Variants in KIAA1549L observed in about 807,000 individuals in gnomAD.
The protein encoded by KIAA1549L is UPF0606 protein KIAA1549L.
KIAA1549L carries 88 observed loss-of-function variants against 160.7 expected under a neutral mutation model. That is an observed-to-expected ratio of 0.55 (90% CI 0.46 to 0.65). The LOEUF (loss-of-function observed/expected upper bound fraction) is 0.65. KIAA1549L is among the 30% of genes least tolerant of loss of function. The probability of loss-of-function intolerance (pLI) is 0.00; values close to 1 mark genes in which losing one functional copy is unlikely to be tolerated. For synonymous variants in KIAA1549L, 950 were observed against 976.7 expected (o/e 0.97, Z 0.51); for missense variants, 2,258 against 2,437.5 (o/e 0.93, Z 1.55).
intron 1 of KIAA1549L, among the ~76,000 whole-genome samples, chr11:33,483,889 C>A (rs913741318): frequency 1.3e-5 from 2 of 152,156 alleles, no homozygotes; most frequent in Non-Finnish European, 2.9e-5. Context: ...CTTGATATGT[C>A]TTTATCAGCA....
At chr11:33,397,708 T>TCACACACA (rs1491551239) in intron 1 of KIAA1549L, among the ~76,000 whole-genome samples, 10 of 98,858 alleles carry the variant, frequency 1.0e-4, no homozygotes, top group African/African-American at 3.6e-4. Flanking sequence ...CGAGACTCCA[T>TCACACACA]CTCACACACA....
At chr11:33,392,601 C>T (rs530367100) in intron 1 of KIAA1549L, among the ~76,000 whole-genome samples, 1 of 152,326 alleles carries the variant, frequency 6.6e-6, no homozygotes, top group South Asian at 2.1e-4. Context: ...AGTAAGTTTT[C>T]TTTTGCCCTT....
chr11:33,617,632 A>C (rs1306025785), intron 15 of KIAA1549L, among the ~76,000 whole-genome samples: 1 of 152,218 alleles, frequency 6.6e-6, no homozygotes, highest in Non-Finnish European at 1.5e-5. Context: ...AATAGCACTT[A>C]TCACTCTGAA....
At chr11:33,615,609 C>G (rs1292471161) in intron 15 of KIAA1549L, among the ~76,000 whole-genome samples, 1 of 151,996 alleles carries the variant, frequency 6.6e-6, no homozygotes, top group Non-Finnish European at 1.5e-5. Context: ...TAAACAGCAG[C>G]CTTTAAGCTG....
intron 1 of KIAA1549L, among the ~76,000 whole-genome samples, chr11:33,513,667 G>T (rs906863975): frequency 5.9e-5 from 9 of 152,140 alleles, no homozygotes; most frequent in South Asian, 2.1e-4. Flanking sequence ...TACACAACTA[G>T]CCGCAGCTCT....
chr11:33,658,627 T>C, intron 18 of KIAA1549L, 123 bp from the exon 19 acceptor site: 1 of 938,224 alleles, frequency 1.1e-6, no homozygotes, highest in Admixed American at 2.3e-5. Flanking sequence ...AATCCAGTCC[T>C]GGGGACCTCA....
intron 17 of KIAA1549L, among the ~76,000 whole-genome samples, chr11:33,652,328 C>T (rs1286539344): frequency 2.0e-5 from 3 of 152,104 alleles, no homozygotes; most frequent in Non-Finnish European, 2.9e-5. Flanking sequence ...GGGGAGGATT[C>T]CTTCAACCAC....
At chr11:33,531,651 C>G (rs1853776203) in intron 1 of KIAA1549L, among the ~76,000 whole-genome samples, 1 of 152,190 alleles carries the variant, frequency 6.6e-6, no homozygotes, top group Admixed American at 6.5e-5. Flanking sequence ...GCTGGCATCA[C>G]TTCAAGGCAT....
rs575391002 is a variant in KIAA1549L at position 33,540,124 on chromosome 11, C to T, written c.239-1678C>T. On this transcript the variant is annotated intron_variant, in intron 1 of 20. Transcript: ENST00000658780. Reference sequence around the variant, plus strand: ...AGTTACAGATCCCTTGGTATTAGCCCCTATTCCTCCATCCTGTTTGCAGAA... The same window carrying T: ...AGTTACAGATCCCTTGGTATTAGCCTCTATTCCTCCATCCTGTTTGCAGAA... 6.2e-4 allele frequency among the ~76,000 whole-genome samples: 94 copies of T among 152,252 alleles called. 1 individual carries two copies. Among genetic ancestry groups the T allele is most frequent in the Non-Finnish European group, 1.0e-4 (7 of 68,024 alleles).
At position 33,667,912 on chromosome 11, in the gene KIAA1549L, C is replaced by T. The variant is rs377516987; in HGVS notation, c.6199C>T (p.Arg2067Trp). 3.3e-5 allele frequency: 53 copies of T among 1,613,388 alleles called. No homozygotes were observed. Among genetic ancestry groups the T allele is most frequent in the Middle Eastern group, 1.6e-4 (1 of 6,082 alleles). The change falls in exon 21 of 21, where the codon CGG (arginine) becomes TGG (tryptophan). Residue 2067 changes from arginine (R) to tryptophan (W), a missense_variant. By Grantham distance (101) the Arg-to-Trp change is moderately radical. This residue lies in a region of KIAA1549L where 1,359 missense variants were observed against 1,546.6 expected (regional missense o/e 0.88). Transcript: ENST00000658780. ...GTACATCGAGGCCTACCCCCGATCA[C>T]GGTACCCCCAGAGCTCTCCCTCCAG... ...PGYIEAYPRS[R>W]YPQSSPSRLP...
intron 13 of KIAA1549L, chr11:33,599,167 G>A (rs1850289402): frequency 2.6e-6 from 1 of 387,258 alleles, no homozygotes; most frequent in East Asian, 4.5e-5. Flanking sequence ...CTCCGCCCCT[G>A]TTCTTATGAA....
rs547612319 is a variant in KIAA1549L at position 33,380,517 on chromosome 11, G to A, written c.238+3628G>A. ...GAAGAATGTATATTCTGTTGTTTTGGGGTGGAGAGTTCTGTGGATATCTAT... is the reference window on the plus strand; with the variant it reads ...GAAGAATGTATATTCTGTTGTTTTGAGGTGGAGAGTTCTGTGGATATCTAT... On this transcript the variant is annotated intron_variant, in intron 1 of 20. Transcript: ENST00000658780. Among the ~76,000 whole-genome samples the A allele has an allele frequency of 1.2e-3, 176 of 152,242 alleles. 1 individual carries two copies. The highest frequency in any genetic ancestry group is 0.01 in the Middle Eastern group (3 of 294).
At chr11:33,567,435 A>G (rs960739219) in intron 8 of KIAA1549L, among the ~76,000 whole-genome samples, 1 of 152,120 alleles carries the variant, frequency 6.6e-6, no homozygotes, top group African/African-American at 2.4e-5. Flanking sequence ...CACTCTTTCC[A>G]TTCAGCCATC....
At chr11:33,421,403 C>T (rs1033580561) in intron 1 of KIAA1549L, among the ~76,000 whole-genome samples, 4 of 152,194 alleles carry the variant, frequency 2.6e-5, no homozygotes, top group African/African-American at 4.8e-5. Context: ...TCTTGCTACC[C>T]ACAGTGTGGG....
At chr11:33,394,641 C>A (rs765217111) in intron 1 of KIAA1549L, among the ~76,000 whole-genome samples, 2 of 152,190 alleles carry the variant, frequency 1.3e-5, no homozygotes, top group Non-Finnish European at 2.9e-5. Context: ...TGTCCCATTT[C>A]ACTCTCATAT....
chr11:33,657,549 C>T (rs1048195885), intron 18 of KIAA1549L, among the ~76,000 whole-genome samples: 1 of 152,114 alleles, frequency 6.6e-6, no homozygotes, highest in Non-Finnish European at 1.5e-5. Flanking sequence ...GTAATCCCAG[C>T]ACTTTGGGAG....
chr11:33,441,086 A>G (rs3117906), intron 1 of KIAA1549L, among the ~76,000 whole-genome samples: 34,470 of 132,292 alleles, frequency 0.26, 4,552 homozygotes, highest in East Asian at 0.36. Context: ...CTACCTCACA[A>G]CAGTCCCCAG....
At chr11:33,574,927 A>C in intron 10 of KIAA1549L, 54 bp downstream of exon 10, 2 of 1,473,126 alleles carry the variant, frequency 1.4e-6, no homozygotes, top group Non-Finnish European at 1.9e-6. Context: ...ATGTTTCCTG[A>C]AAATCAAAAT....
chr11:33,515,058 G>A (rs986676506), intron 1 of KIAA1549L, among the ~76,000 whole-genome samples: 1 of 152,132 alleles, frequency 6.6e-6, no homozygotes, highest in African/African-American at 2.4e-5. Context: ...ATGTTGCTAT[G>A]TCCATAGAAA....
Sources: gnomAD v4.1 joint callset for allele counts (sites outside exome capture counted in the v4.1 genomes callset) on GRCh38, gnomAD v4.1.1 for gene constraint, gnomAD v4.1.1 regional missense constraint, MANE v1.5 for transcripts, NCBI Gene and HGNC (gene_info 2026-07-23, HGNC 2026-07-21) for gene names.